The following RANGAP1 variants were observed in gnomAD, a reference collection of about 807,000 sequenced individuals.
The protein encoded by RANGAP1 is Ran GTPase activating protein 1.
A neutral mutation model predicts 63.5 loss-of-function variants in RANGAP1; 38 were observed. That is an observed-to-expected ratio of 0.60 (90% CI 0.46 to 0.78). The LOEUF (loss-of-function observed/expected upper bound fraction) is 0.78. Among genes scored for constraint, RANGAP1 ranks in the 30% least tolerant of loss-of-function variants. The pLI, the probability that RANGAP1 is intolerant of heterozygous loss-of-function variation, is 0.00. For missense variants in RANGAP1, 630 were observed against 740.3 expected, an observed-to-expected ratio of 0.85 and a Z score of 1.73; for synonymous variants, 329 against 310.5, an observed-to-expected ratio of 1.06 and a Z score of -0.63.
intron 2 of RANGAP1, among the ~76,000 whole-genome samples, chr22:41,279,823 C>G (rs974076986): frequency 1.4e-5 from 2 of 147,170 alleles, no homozygotes; most frequent in African/African-American, 5.0e-5. Context: ...AAAAGCCGGG[C>G]ACAGTGGCTC....
chr22:41,252,568 G>T (rs771106968), intron 12 of RANGAP1, among the ~76,000 whole-genome samples: 1 of 152,192 alleles, frequency 6.6e-6, no homozygotes, highest in African/African-American at 2.4e-5. Flanking sequence ...GACGGAACAC[G>T]CAGAGAGAAG....
At chr22:41,283,370 G>A (rs917336215) in intron 1 of RANGAP1, among the ~76,000 whole-genome samples, 19 of 152,058 alleles carry the variant, frequency 1.2e-4, no homozygotes, top group African/African-American at 4.3e-4. Context: ...TTAGCTGGGC[G>A]TGGTGGCACA....
In RANGAP1 at chr22:41,246,320, C is replaced by T. The variant is rs528174736; in HGVS notation, c.*283G>A. On this transcript the variant is annotated 3_prime_UTR_variant, in exon 16 of 16. Transcript: ENST00000356244. The stretch of plus-strand genomic sequence containing the variant: ...CCTCAGGTGGAGGTGAGTTTAATGG[C>T]GGAGCAGCTCACAGCCCTTTCCCCT... 7.3e-5 allele frequency: 22 copies of T among 299,512 alleles called. No individual in the cohort carries two copies. Among genetic ancestry groups the T allele is most frequent in the South Asian group, 4.5e-4 (9 of 20,138 alleles). 18.6% of individuals were successfully genotyped at this position (299,512 alleles called of 1,614,324 possible).
At chr22:41,247,090 C>T (rs1187667763) in intron 15 of RANGAP1, among the ~76,000 whole-genome samples, 2 of 152,008 alleles carry the variant, frequency 1.3e-5, no homozygotes, top group African/African-American at 4.8e-5. Flanking sequence ...GAGTCTCGCT[C>T]TGTCACCCAG....
intron 7 of RANGAP1, 66 bp from the exon 8 acceptor site, chr22:41,256,890 G>A (rs1026853408): frequency 1.2e-4 from 156 of 1,344,066 alleles, no homozygotes; most frequent in Non-Finnish European, 1.6e-4. Context: ...AGCAAGCCCC[G>A]GGGGCCCCAC....
intron 3 of RANGAP1, among the ~76,000 whole-genome samples, chr22:41,270,450 C>T (rs920743991): frequency 1.3e-5 from 2 of 152,024 alleles, no homozygotes; most frequent in African/African-American, 2.4e-5. Context: ...CCCAGCCCTC[C>T]CTTATTTTTT....
intron 1 of RANGAP1, chr22:41,284,883 C>T (rs1047283305): frequency 6.6e-6 from 1 of 152,172 alleles, no homozygotes; most frequent in Non-Finnish European, 1.5e-5. Context: ...GAAACCAGCC[C>T]AGTGCAATAA....
At position 41,246,240 on chromosome 22, in the gene RANGAP1, G is replaced by A. The variant is rs1448682379; in HGVS notation, c.*363C>T. On this transcript the variant is annotated 3_prime_UTR_variant, in exon 16 of 16. Transcript: ENST00000356244. ...CTGGCTCCGCCAGGGAGCCGGGCCG[G>A]AAGGCAGGTGGGTGGGGACGGCCAT... is the stretch of plus-strand genomic sequence containing the variant. 1 of 194,196 alleles carries A rather than the reference G, an allele frequency of 5.1e-6. No homozygotes were observed. The highest frequency in any genetic ancestry group is 1.1e-5 in the Non-Finnish European group (1 of 93,898). 12.0% of individuals were successfully genotyped at this position (194,196 alleles called of 1,614,324 possible).
chr22:41,293,592 C>T, the RANGAP1 span, among the ~76,000 whole-genome samples: 28 of 151,732 alleles, frequency 1.8e-4, no homozygotes, highest in African/African-American at 6.8e-4. Flanking sequence ...TCCTGGCTCA[C>T]ACGGTGAAAC....
chr22:41,266,038 T>TA (rs1456664437), intron 4 of RANGAP1, among the ~76,000 whole-genome samples: 2 of 152,002 alleles, frequency 1.3e-5, no homozygotes, highest in Non-Finnish European at 2.9e-5. Context: ...CCATCTCTAC[T>TA]AAAAATACAA....
At chr22:41,300,397 C>T in the RANGAP1 span, among the ~76,000 whole-genome samples, 1 of 128,846 alleles carries the variant, frequency 7.8e-6, no homozygotes, top group Non-Finnish European at 1.6e-5. Flanking sequence ...AAGGGTGTTT[C>T]ATTGTAAATT....
intron 5 of RANGAP1, among the ~76,000 whole-genome samples, chr22:41,263,691 C>T (rs2034301444): frequency 6.6e-6 from 1 of 152,214 alleles, no homozygotes; most frequent in Non-Finnish European, 1.5e-5. Flanking sequence ...CCGTGCCCGG[C>T]CCATTTTTAC....
chr22:41,280,892 C>T (rs759521275), intron 2 of RANGAP1, 41 bp downstream of exon 2: 5 of 1,612,494 alleles, frequency 3.1e-6, no homozygotes, highest in East Asian at 2.2e-5. Flanking sequence ...CACTCCCTCT[C>T]CTCCCCTGGA....
At position 41,257,955 on chromosome 22, in the gene RANGAP1, A is replaced by G; in HGVS notation, c.767T>C (p.Met256Thr). ...NTFTEKGAVA[M>T]AETLKTLRQV... ...CTGCCACACTCGCCTCACCTCGGCC[A>G]TGGCCACGGCGCCCTTCTCAGTGAA... Residue 256 changes from methionine (M) to threonine (T), a missense_variant, in exon 7 of 16, where the codon ATG (methionine) becomes ACG (threonine). Around this residue, in one of 3 missense-constraint regions of RANGAP1, gnomAD observed 428 missense variants for 465.5 expected, o/e 0.92. Coordinates refer to ENST00000356244, the MANE Select transcript of RANGAP1 (RefSeq NM_002883.4). This position sits in a 1 kb window ranked among gnomAD's most constrained non-coding sequence, Gnocchi z 4.0. 2 of 1,605,030 alleles carry G rather than the reference A, an allele frequency of 1.2e-6. No homozygotes were observed. Among genetic ancestry groups the G allele is most frequent in the Non-Finnish European group, 1.7e-6 (2 of 1,174,194 alleles).
intron 2 of RANGAP1, among the ~76,000 whole-genome samples, chr22:41,274,955 C>T (rs1301648102): frequency 6.6e-6 from 1 of 151,806 alleles, no homozygotes; most frequent in East Asian, 1.9e-4. Flanking sequence ...GCTTGGGAGC[C>T]GAGGGAAAAG....
Position 41,251,110 on chromosome 22 carries a change from C to G in RANGAP1, c.1381-1G>C. The G allele has an allele frequency of 6.2e-7, 1 of 1,613,256 alleles. No individual in the cohort carries two copies. The highest frequency in any genetic ancestry group is 8.5e-7 in the Non-Finnish European group (1 of 1,179,542). ...CCTTCTCGGGGTCAGACGTGTCAGTCTGAGGACAAAAGAGACAATGGTTGG... is the reference window on the plus strand; with the variant it reads ...CCTTCTCGGGGTCAGACGTGTCAGTGTGAGGACAAAAGAGACAATGGTTGG... On this transcript the variant is annotated splice_acceptor_variant, in intron 12 of 15. Coordinates refer to ENST00000356244, the MANE Select transcript of RANGAP1 (RefSeq NM_002883.4). LOFTEE classifies it high-confidence loss of function.
At chr22:41,258,159 A>G (rs1030103713) in intron 6 of RANGAP1, 53 bp from the exon 7 acceptor site, 1 of 1,541,334 alleles carries the variant, frequency 6.5e-7, no homozygotes, top group Non-Finnish European at 8.8e-7. Flanking sequence ...GGTGACATCC[A>G]GCAGGCAGGA....
At chr22:41,250,500 A>T (rs542661726) in intron 13 of RANGAP1, among the ~76,000 whole-genome samples, 2 of 152,212 alleles carry the variant, frequency 1.3e-5, no homozygotes. Context: ...GGAAGGTGAC[A>T]GGTGCTGGAA....
intron 3 of RANGAP1, among the ~76,000 whole-genome samples, chr22:41,272,531 CT>C (rs999990049): frequency 6.7e-6 from 1 of 150,300 alleles, no homozygotes; most frequent in Non-Finnish European, 1.5e-5. Flanking sequence ...ATTTTTTTTT[CT>C]TTTTTTTGAG....
Sources: allele counts gnomAD v4.1 joint callset (sites outside exome capture counted in the v4.1 genomes callset), GRCh38; gene constraint gnomAD v4.1.1; regional missense constraint gnomAD v4.1.1; non-coding constraint Gnocchi (gnomAD v3.1); transcripts MANE v1.5; gene names NCBI Gene and HGNC (gene_info 2026-07-23, HGNC 2026-07-21).